The following COL9A1 variants were observed in gnomAD, a reference collection of about 807,000 sequenced individuals.
The protein encoded by COL9A1 is collagen alpha-1(IX) chain.
Under a neutral mutation model 142.6 loss-of-function variants are expected in COL9A1, and 104 were observed. The ratio of observed to expected loss-of-function variants is 0.73; its 90% CI spans 0.62 to 0.86. The LOEUF is 0.86. COL9A1 is among the 40% of genes least tolerant of loss of function. The pLI is 0.00. For synonymous variants in COL9A1, 466 were observed against 396.0 expected, an observed-to-expected ratio of 1.18 and a Z score of -2.10; for missense variants, 1,210 against 1,176.6, an observed-to-expected ratio of 1.03 and a Z score of -0.42.
chr6:70,293,757 G>T (rs1275906083), intron 5 of COL9A1, among the ~76,000 whole-genome samples: 2 of 151,738 alleles, frequency 1.3e-5, no homozygotes, highest in South Asian at 2.1e-4. Context: ...TCCCTTAATG[G>T]TGTTTCCCTC....
At chr6:70,260,175 G>T (rs1302305569) in intron 20 of COL9A1, among the ~76,000 whole-genome samples, 26 of 152,126 alleles carry the variant, frequency 1.7e-4, no homozygotes, top group Admixed American at 1.7e-3. Context: ...CATGCATACT[G>T]CTCATTCCTA....
intron 31 of COL9A1, 109 bp from the exon 32 acceptor site, chr6:70,240,842 C>A: frequency 1.1e-6 from 1 of 871,296 alleles, no homozygotes. Flanking sequence ...TTCCCAGAAT[C>A]ATGCAGAAAT....
intron 37 of COL9A1, chr6:70,222,986 A>C (rs915454863): frequency 6.6e-6 from 1 of 152,188 alleles, no homozygotes; most frequent in African/African-American, 2.4e-5. Flanking sequence ...AGCTCTACCA[A>C]GAAATAAAAA....
In COL9A1 at chr6:70,283,830, G is replaced by T; in HGVS notation, c.697-10C>A. ...TCCATTGAAGTTCAAACTGGAGAAAGGTAGTAGACAGTCAGGTAAGGTTTT... is the reference window on the plus strand; with the variant it reads ...TCCATTGAAGTTCAAACTGGAGAAATGTAGTAGACAGTCAGGTAAGGTTTT... On this transcript the variant is annotated splice_polypyrimidine_tract_variant and intron_variant, in intron 5 of 37. Transcript: ENST00000357250. 1 of 1,596,294 alleles carries T rather than the reference G, an allele frequency of 6.3e-7. No individual in the cohort carries two copies. Among genetic ancestry groups the T allele is most frequent in the Non-Finnish European group, 8.6e-7 (1 of 1,169,426 alleles).
rs1376166365 is a variant in COL9A1 at position 70,267,671 on chromosome 6, G to T, written c.1288-901C>A. Among the ~76,000 whole-genome samples, 3 of 152,336 alleles carry T rather than the reference G, an allele frequency of 2.0e-5. No individual in the cohort carries two copies. In the East Asian group the frequency reaches 5.8e-4, roughly 29 times the overall value. ...AAGGGAAAGCAATAAAGGGCAGTGG[G>T]TGAAAGCTGCATTGGATGAAAATAT... On this transcript the variant is annotated intron_variant, in intron 17 of 37. Transcript: ENST00000357250.
chr6:70,249,068 G>A (rs969282793), intron 28 of COL9A1, among the ~76,000 whole-genome samples: 1 of 151,982 alleles, frequency 6.6e-6, no homozygotes, highest in African/African-American at 2.4e-5. Context: ...ATGGAGTCCA[G>A]CCTGACTTGA....
chr6:70,260,387 A>C (rs943445091), intron 20 of COL9A1, among the ~76,000 whole-genome samples: 5 of 152,022 alleles, frequency 3.3e-5, no homozygotes, highest in Non-Finnish European at 7.4e-5. Context: ...ACTAAAAAAT[A>C]CAAAAATTAG....
At position 70,272,121 on chromosome 6, in the gene COL9A1, G is replaced by C. The variant is rs988168996; in HGVS notation, c.1066-33C>G. 1.9e-6 allele frequency: 3 copies of C among 1,587,378 alleles called. No homozygotes were observed. In the East Asian group the frequency reaches 6.7e-5, roughly 36 times the overall value. On this transcript the variant is annotated intron_variant, in intron 12 of 37. Transcript: ENST00000357250. ...AGTACAATAAAAATGGTTATAGCTTGAGGTTTATACTTAGTATAAATATGA... is the reference window on the plus strand; with the variant it reads ...AGTACAATAAAAATGGTTATAGCTTCAGGTTTATACTTAGTATAAATATGA...
Position 70,260,648 on chromosome 6 carries a change from C to T in COL9A1, c.1449+9G>A. The T allele has an allele frequency of 6.2e-7, 1 of 1,612,708 alleles. No homozygotes were observed. Among genetic ancestry groups the T allele is most frequent in the Non-Finnish European group, 8.5e-7 (1 of 1,179,164 alleles). ...TTTTGGTATTATATTATTGTCATCA[C>T]CATCTTACTTTTTCCCCTTTGTCCC... On this transcript the variant is annotated intron_variant, in intron 20 of 37. Transcript: ENST00000357250.
chr6:70,271,092 C>A (rs1772369300), intron 14 of COL9A1, among the ~76,000 whole-genome samples: 1 of 152,192 alleles, frequency 6.6e-6, no homozygotes, highest in African/African-American at 2.4e-5. Context: ...TGTAGAGGAA[C>A]AAACAAGGTA....
chr6:70,241,523 TTGGG>T, intron 30 of COL9A1, 69 bp from the exon 31 acceptor site: 1 of 1,329,172 alleles, frequency 7.5e-7, no homozygotes, highest in Non-Finnish European at 1.1e-6. Context: ...GTGAACCTTA[TTGGG>T]TGGGTGGATA....
intron 4 of COL9A1, among the ~76,000 whole-genome samples, chr6:70,297,390 T>C (rs1365600954): frequency 3.3e-5 from 5 of 152,124 alleles, no homozygotes; most frequent in African/African-American, 1.2e-4. Flanking sequence ...CTTTGATCCT[T>C]TAAACTAGGC....
chr6:70,255,213 G>A lies in COL9A1; in HGVS notation c.1558-10C>T. The A allele has an allele frequency of 1.2e-6, 2 of 1,614,034 alleles. No homozygotes were observed. The highest frequency in any genetic ancestry group is 1.1e-5 in the South Asian group (1 of 91,074). ...TAGCACCTTCAGCCCCCTGCAGGGA[G>A]GAAGAGAAAGAATAGACAAGACATG... is the stretch of plus-strand genomic sequence containing the variant. On this transcript the variant is annotated splice_polypyrimidine_tract_variant and intron_variant, in intron 22 of 37. Coordinates refer to ENST00000357250, the MANE Select transcript of COL9A1 (RefSeq NM_001851.6).
intron 24 of COL9A1, 191 bp downstream of exon 24, chr6:70,254,772 G>C (rs1443796910): frequency 1.4e-6 from 1 of 700,918 alleles, no homozygotes; most frequent in Non-Finnish European, 2.4e-6. Context: ...CTGAGTTCCT[G>C]AAACCAAGCA....
At chr6:70,263,794 TA>T (rs1771845625) in intron 18 of COL9A1, among the ~76,000 whole-genome samples, 3 of 151,954 alleles carry the variant, frequency 2.0e-5, no homozygotes, top group Admixed American at 2.0e-4. Context: ...TACAATATTT[TA>T]ATGTAAATCA....
intron 37 of COL9A1, among the ~76,000 whole-genome samples, chr6:70,223,934 G>A (rs560805820): frequency 1.3e-5 from 2 of 152,290 alleles, no homozygotes; most frequent in South Asian, 4.1e-4. Context: ...AATCAGAGCT[G>A]ATGGGGAGAG....
chr6:70,293,371 A>G lies in COL9A1; in HGVS notation c.696+796T>C, dbSNP rs564236171. On this transcript the variant is annotated intron_variant, in intron 5 of 37. Coordinates refer to ENST00000357250, the MANE Select transcript of COL9A1 (RefSeq NM_001851.6). The stretch of plus-strand genomic sequence containing the variant: ...TATAACAATTCAAAATGATAGAACT[A>G]TCTTGTACTAGTTGGCACAATTATT... Among the ~76,000 whole-genome samples the G allele has an allele frequency of 2.8e-3, 428 of 152,290 alleles. 1 individual carries two copies. The highest frequency in any genetic ancestry group is 4.1e-3 in the Non-Finnish European group (282 of 68,008).
chr6:70,233,039 G>C (rs1769659118), intron 35 of COL9A1, among the ~76,000 whole-genome samples: 1 of 152,092 alleles, frequency 6.6e-6, no homozygotes, highest in Non-Finnish European at 1.5e-5. Context: ...GTAGCAGGGG[G>C]TGGGATTCAC....
chr6:70,254,745 TCAACAGGG>T (rs1771167809), intron 24 of COL9A1: 6 of 677,040 alleles, frequency 8.9e-6, no homozygotes, highest in Admixed American at 7.6e-5. Context: ...CTTACTTTCA[TCAACAGGG>T]CAATTTTACT....
Sources: allele counts gnomAD v4.1 joint callset (sites outside exome capture counted in the v4.1 genomes callset), GRCh38; gene constraint gnomAD v4.1.1; transcripts MANE v1.5; gene names NCBI Gene and HGNC (gene_info 2026-07-23, HGNC 2026-07-21).